Variants in ABCB7 observed in about 807,000 individuals in gnomAD.
ABCB7 encodes ATP binding cassette subfamily B member 7.
In ABCB7, 7 loss-of-function variants were observed where a neutral mutation model predicts 54.4. That is an observed-to-expected ratio of 0.13 (90% CI 0.07 to 0.24). The LOEUF (loss-of-function observed/expected upper bound fraction) is 0.24, where lower values mean the gene tolerates loss of function less well. Ranked by LOEUF, ABCB7 falls within the 10% of genes least tolerant of loss-of-function variation. The probability of loss-of-function intolerance (pLI) is 1.00; values close to 1 mark genes in which losing one functional copy is unlikely to be tolerated. For synonymous variants in ABCB7, 218 were observed against 207.1 expected, an observed-to-expected ratio of 1.05 and a Z score of -0.45; for missense variants, 356 against 570.4, an observed-to-expected ratio of 0.62 and a Z score of 3.83.
At chrX:75,089,272 T>C (rs2081525412) in intron 4 of ABCB7, among the ~76,000 whole-genome samples, 1 of 112,080 alleles carries the variant, frequency 8.9e-6, no homozygotes, top group Non-Finnish European at 1.9e-5. Flanking sequence ...AGAGAAGGAA[T>C]AAATTAATGT....
intron 1 of ABCB7, among the ~76,000 whole-genome samples, chrX:75,132,444 C>A (rs952761796): frequency 2.7e-5 from 3 of 113,063 alleles, no homozygotes; most frequent in Admixed American, 9.3e-5. Context: ...AAGCGAAAGG[C>A]CCTCTGCCAT....
intron 1 of ABCB7, among the ~76,000 whole-genome samples, chrX:75,153,222 A>T (rs765482890): frequency 2.7e-5 from 3 of 110,518 alleles, no homozygotes; most frequent in Non-Finnish European, 5.7e-5. Flanking sequence ...GGACTACAGG[A>T]GCCCGCCACC....
chrX:75,104,812 A>G (rs2081676449), intron 3 of ABCB7, among the ~76,000 whole-genome samples: 1 of 111,881 alleles, frequency 8.9e-6, no homozygotes, highest in African/African-American at 3.2e-5. Flanking sequence ...ACAAAGTATC[A>G]GTAAACCAAA....
chrX:75,132,569 C>A (rs921386251), intron 1 of ABCB7, among the ~76,000 whole-genome samples: 6 of 112,376 alleles, frequency 5.3e-5, no homozygotes, highest in Non-Finnish European at 9.4e-5. Context: ...AGATCTACAG[C>A]CAGCACTCCA....
intron 15 of ABCB7, among the ~76,000 whole-genome samples, chrX:75,056,324 T>A (rs59587214): frequency 0.082 from 9,114 of 111,738 alleles, 925 homozygotes; most frequent in African/African-American, 0.28. Context: ...ATTTCACGTG[T>A]TAGTTGGCTT....
chrX:75,129,362 C>T (rs556707966), intron 1 of ABCB7, among the ~76,000 whole-genome samples: 2 of 110,494 alleles, frequency 1.8e-5, no homozygotes, highest in South Asian at 3.9e-4. Context: ...AACCAAGCAC[C>T]GCATGTTCTC....
chrX:75,069,946 C>A (rs955326086), intron 10 of ABCB7, among the ~76,000 whole-genome samples: 1 of 111,058 alleles, frequency 9.0e-6, no homozygotes, highest in Non-Finnish European at 1.9e-5. Flanking sequence ...AGGATCTCGG[C>A]TCACCACAAC....
At chrX:75,078,786 G>A (rs2081432228) in intron 4 of ABCB7, among the ~76,000 whole-genome samples, 1 of 111,711 alleles carries the variant, frequency 9.0e-6, no homozygotes, top group Non-Finnish European at 1.9e-5. Context: ...CAGCTTATAA[G>A]GCAGGGACAA....
At chrX:75,093,034 C>A (rs749429823) in intron 4 of ABCB7, among the ~76,000 whole-genome samples, 29 of 111,869 alleles carry the variant, frequency 2.6e-4, no homozygotes, top group African/African-American at 9.1e-4. Context: ...CATAGTCTTA[C>A]AAGACAATCC....
chrX:75,060,753 G>A (rs2081276436), intron 14 of ABCB7, among the ~76,000 whole-genome samples: 1 of 111,649 alleles, frequency 9.0e-6, no homozygotes, highest in Admixed American at 9.6e-5. Context: ...CAGAGATAGG[G>A]AGATTCAAAG....
intron 6 of ABCB7, 42 bp from the exon 7 acceptor site, chrX:75,073,998 G>C (rs767328028): frequency 1.7e-5 from 18 of 1,056,151 alleles, no homozygotes; most frequent in Non-Finnish European, 2.2e-5. Flanking sequence ...AACAGTTATT[G>C]TTCTTCCCAA....
intron 1 of ABCB7, among the ~76,000 whole-genome samples, chrX:75,129,466 G>A (rs2081959306): frequency 9.1e-6 from 1 of 110,283 alleles, no homozygotes; most frequent in Admixed American, 9.8e-5. Context: ...AGCAAGGGAA[G>A]AGATAGCATT....
chrX:75,104,557 C>T (rs949037497), intron 3 of ABCB7, among the ~76,000 whole-genome samples: 4 of 110,296 alleles, frequency 3.6e-5, no homozygotes, highest in African/African-American at 1.3e-4. Context: ...AATAAAAAAC[C>T]TCGAAACAAA....
intron 4 of ABCB7, among the ~76,000 whole-genome samples, chrX:75,082,861 G>T (rs1377016610): frequency 9.0e-6 from 1 of 111,183 alleles, no homozygotes; most frequent in Non-Finnish European, 1.9e-5. Context: ...ATTAAAATGG[G>T]ATAGTAAAAT....
chrX:75,106,202 C>G (rs2081699352), intron 3 of ABCB7, among the ~76,000 whole-genome samples: 1 of 111,031 alleles, frequency 9.0e-6, no homozygotes, highest in Admixed American at 9.6e-5. Flanking sequence ...TATCTGCAAA[C>G]TATGCACCCA....
chrX:75,126,358 A>G (rs998434115), intron 1 of ABCB7, among the ~76,000 whole-genome samples: 3 of 112,177 alleles, frequency 2.7e-5, no homozygotes, highest in Non-Finnish European at 5.6e-5. Flanking sequence ...GAAACAAATG[A>G]GAACAATGAC....
chrX:75,068,673 A>G (rs1336247321), intron 12 of ABCB7, among the ~76,000 whole-genome samples: 1 of 112,192 alleles, frequency 8.9e-6, no homozygotes, highest in Non-Finnish European at 1.9e-5. Context: ...ATTCTATCCT[A>G]TAAGATAAAT....
intron 3 of ABCB7, among the ~76,000 whole-genome samples, chrX:75,104,144 T>C (rs1281965898): frequency 2.1e-5 from 2 of 97,107 alleles, no homozygotes; most frequent in Non-Finnish European, 4.1e-5. Context: ...GTAAGTCATA[T>C]ATGGCATTTA....
intron 12 of ABCB7, among the ~76,000 whole-genome samples, chrX:75,067,183 G>A (rs1432969425): frequency 9.0e-6 from 1 of 111,570 alleles, no homozygotes; most frequent in Non-Finnish European, 1.9e-5. Context: ...GCCCAAACTG[G>A]ATATTAGGAA....
Sources: gnomAD v4.1 joint callset for allele counts (sites outside exome capture counted in the v4.1 genomes callset) on GRCh38, gnomAD v4.1.1 for gene constraint, MANE v1.5 for transcripts, NCBI Gene and HGNC (gene_info 2026-07-23, HGNC 2026-07-21) for gene names.